Variants in VPS13C observed in about 807,000 individuals in gnomAD.
The protein encoded by VPS13C is vacuolar protein sorting 13 homolog C.
Under a neutral mutation model 456.8 loss-of-function variants are expected in VPS13C, and 358 were observed. The observed-to-expected ratio is 0.78, with a 90% CI of 0.72 to 0.86. The LOEUF is 0.86. Ranked by LOEUF, VPS13C falls within the 40% of genes least tolerant of loss-of-function variation. The pLI is 0.00. For synonymous variants in VPS13C, 1,578 were observed against 1,486.7 expected (o/e 1.06, Z -1.41); for missense variants, 4,818 against 4,385.4 (o/e 1.10, Z -2.79).
Position 61,972,055 on chromosome 15 carries a change from T to C in VPS13C, c.2757+570A>G, listed in dbSNP as rs1206289887. On this transcript the variant is annotated intron_variant, in intron 27 of 84. Transcript: ENST00000644861. ...AACCTGTAATCTCACCACCCAGAGA[T>C]GAACACTGTCTGTCATTTATCAAAG... 2.0e-5 allele frequency among the ~76,000 whole-genome samples: 3 copies of C among 152,254 alleles called. No homozygotes were observed. The East Asian group carries it at 5.8e-4, about 29-fold the overall frequency.
chr15:62,001,013 A>G (rs2046594077), intron 15 of VPS13C, among the ~76,000 whole-genome samples: 1 of 152,214 alleles, frequency 6.6e-6, no homozygotes. Context: ...ACTAACGGTG[A>G]CATTACAAAA....
rs760968536 is a variant in VPS13C, at chr15:61,962,682, A to AC, written c.3435+66dup. 322 of 1,348,356 alleles carry AC rather than the reference A, an allele frequency of 2.4e-4. 1 individual carries two copies. Among genetic ancestry groups the AC allele is most frequent in the Non-Finnish European group, 2.8e-4 (280 of 999,076 alleles). 83.5% of individuals were successfully genotyped at this position (1,348,356 alleles called of 1,614,324 possible). ...TTCATTAATGTTTTTAAAATAAAAT[A>AC]CATTTTACAATAGAAGCTCATATTC... On this transcript the variant is annotated intron_variant, in intron 33 of 84. Transcript: ENST00000644861.
At chr15:62,010,316 G>T (rs1453877517) in intron 13 of VPS13C, among the ~76,000 whole-genome samples, 156 bp downstream of exon 13, 1 of 152,044 alleles carries the variant, frequency 6.6e-6, no homozygotes, top group Non-Finnish European at 1.5e-5. Flanking sequence ...ACTTAAATTT[G>T]AAATTCATTT....
intron 15 of VPS13C, among the ~76,000 whole-genome samples, chr15:62,004,252 A>T: frequency 6.6e-6 from 1 of 150,692 alleles, no homozygotes; most frequent in Admixed American, 6.6e-5. Flanking sequence ...GTCTTGGGAG[A>T]GTGTATGTGT....
In VPS13C at chr15:61,970,080, T is replaced by C. The variant is rs191433591; in HGVS notation, c.2758-628A>G. Among the ~76,000 whole-genome samples, 13 of 152,258 alleles carry C rather than the reference T, an allele frequency of 8.5e-5. No homozygotes were observed. In the East Asian group the frequency reaches 2.3e-3, roughly 27 times the overall value. ...AACTCCTACCTGGGAACACTCATAC[T>C]GGGGGAAGCCAGCCACCATGTAAAA... On this transcript the variant is annotated intron_variant, in intron 27 of 84. Coordinates refer to ENST00000644861, the MANE Select transcript of VPS13C (RefSeq NM_020821.3).
intron 3 of VPS13C, among the ~76,000 whole-genome samples, chr15:62,037,075 G>C (rs747727103): frequency 4.8e-5 from 7 of 146,788 alleles, no homozygotes; most frequent in Non-Finnish European, 7.4e-5. Flanking sequence ...ATGGGTAACA[G>C]TGAAGGAAGC....
intron 5 of VPS13C, among the ~76,000 whole-genome samples, chr15:62,032,948 A>T (rs980171660): frequency 6.6e-6 from 1 of 151,758 alleles, no homozygotes; most frequent in Non-Finnish European, 1.5e-5. Flanking sequence ...AGGATGTTAA[A>T]ATGCTAAAAC....
chr15:61,882,622 A>C lies in VPS13C; in HGVS notation c.9598T>G (p.Leu3200Val), dbSNP rs1895944281. The C allele has an allele frequency of 1.9e-6, 3 of 1,575,994 alleles. No homozygotes were observed. The highest frequency in any genetic ancestry group is 2.6e-6 in the Non-Finnish European group (3 of 1,162,694). Residue 3200 changes from leucine (L) to valine (V), a missense_variant, in exon 69 of 85, where the codon TTA becomes GTA. Around this residue, in one of 3 missense-constraint regions of VPS13C, gnomAD observed 4,552 missense variants for 4,130.6 expected, o/e 1.10. Transcript: ENST00000644861. ...TGAAGCCAGTACAACCTGGCCCTTA[A>C]ACTTCTCTGGTGAGAAGACTGCTTA... Reference protein sequence around the residue: ...EFKQSSHQRSLRARLYWLQVD... With the variant: ...EFKQSSHQRSVRARLYWLQVD...
At chr15:61,908,940 T>C in intron 65 of VPS13C, 52 bp downstream of exon 65, 1 of 1,580,418 alleles carries the variant, frequency 6.3e-7, no homozygotes, top group Non-Finnish European at 8.6e-7. Context: ...TGTTTCCCAT[T>C]AGTTACTATG....
rs768553160 is a variant in VPS13C, at chr15:61,867,997, A to G, written c.10863+662T>C. On this transcript the variant is annotated intron_variant, in intron 81 of 84. Coordinates refer to ENST00000644861, the MANE Select transcript of VPS13C (RefSeq NM_020821.3). This position sits in a 1 kb window ranked among gnomAD's most constrained non-coding sequence, Gnocchi z 5.0. ...AATAAAGTTAGAAGCATGCAGAAAG[A>G]TAGATAAAACGTAATCATATACAAT... 7.9e-7 allele frequency: 1 copy of G among 1,266,544 alleles called. No individual in the cohort carries two copies. Among genetic ancestry groups the G allele is most frequent in the Non-Finnish European group, 1.1e-6 (1 of 871,790 alleles). The allele number at this position is 1,266,544 out of a possible 1,614,324, so 78.5% of individuals were successfully genotyped here.
chr15:62,050,601 C>T (rs1414170440), intron 1 of VPS13C, among the ~76,000 whole-genome samples: 1 of 152,062 alleles, frequency 6.6e-6, no homozygotes, highest in African/African-American at 2.4e-5. Context: ...AGTTGGAGAC[C>T]AGCCTTGCCA....
Position 61,911,906 on chromosome 15 carries a change from T to G in VPS13C, c.8649A>C (p.Glu2883Asp). ...TIANKSSLEL[E>D]VGEIASDGSM... is the part of the protein sequence containing the mutation. ...AGCCATCAGATGCAATCTCGCCAAC[T>G]TCTAGTTCTAATGATGACTTGTTTG... The change falls in exon 63 of 85, where the codon GAA becomes GAC. Residue 2883 changes from glutamate to aspartate, a missense_variant. Physicochemically the swap from Glu to Asp is conservative, Grantham distance 45 (BLOSUM62 2). Coordinates refer to ENST00000644861, the MANE Select transcript of VPS13C (RefSeq NM_020821.3). 1 of 1,612,894 alleles carries G rather than the reference T, an allele frequency of 6.2e-7. No individual in the cohort carries two copies. The highest frequency in any genetic ancestry group is 8.5e-7 in the Non-Finnish European group (1 of 1,179,384).
intron 80 of VPS13C, 52 bp downstream of exon 80, chr15:61,869,448 G>A (rs1020712175): frequency 3.1e-6 from 5 of 1,587,644 alleles, no homozygotes; most frequent in Admixed American, 1.7e-5. Context: ...TGTATTCCTT[G>A]TAATAATTAG....
At chr15:61,967,731 A>G (rs2045423457) in intron 28 of VPS13C, among the ~76,000 whole-genome samples, 1 of 152,046 alleles carries the variant, frequency 6.6e-6, no homozygotes, top group Non-Finnish European at 1.5e-5. Flanking sequence ...TCTATTAAAG[A>G]AATTTAAATA....
At chr15:61,969,276 A>G (rs776147279) in intron 28 of VPS13C, 23 bp downstream of exon 28, 1 of 1,523,038 alleles carries the variant, frequency 6.6e-7, no homozygotes. Context: ...ATAGGCTATT[A>G]TTTCTATTTT....
intron 22 of VPS13C, among the ~76,000 whole-genome samples, chr15:61,979,930 TCCCAG>T (rs2045823338): frequency 1.3e-5 from 2 of 151,970 alleles, no homozygotes; most frequent in African/African-American, 4.8e-5. Flanking sequence ...ACGTCTGTAA[TCCCAG>T]CACTTTGGGA....
intron 12 of VPS13C, among the ~76,000 whole-genome samples, chr15:62,011,687 C>G (rs150412173): frequency 3.3e-5 from 5 of 152,006 alleles, no homozygotes; most frequent in Admixed American, 6.6e-5. Context: ...AATAGAAAAG[C>G]TCACTAAAAA....
chr15:61,898,617 C>A (rs1341875402), intron 66 of VPS13C, among the ~76,000 whole-genome samples: 6 of 149,408 alleles, frequency 4.0e-5, no homozygotes, highest in African/African-American at 1.2e-4. Flanking sequence ...TCCTGAGTGA[C>A]CTACAAAGAG....
chr15:62,010,486 G>C lies in VPS13C; in HGVS notation c.997C>G (p.Leu333Val). The change falls in exon 13 of 85, where the codon CTG (leucine) becomes GTG (valine). Residue 333 changes from leucine (L) to valine (V), a missense_variant. Physicochemically the swap from Leu to Val is conservative, Grantham distance 32 (BLOSUM62 1). Coordinates refer to ENST00000644861, the MANE Select transcript of VPS13C (RefSeq NM_020821.3). Reference sequence around the variant, plus strand: ...ATGAATCATACCTGAGGTTTGGTCAGTTCAATGGCAATATTTTGTATTTCT... The same window carrying C: ...ATGAATCATACCTGAGGTTTGGTCACTTCAATGGCAATATTTTGTATTTCT... ...NIEIQNIAIE[L>V]TKPQYLSMID... 1.2e-6 allele frequency: 2 copies of C among 1,612,076 alleles called. No homozygotes were observed. The highest frequency in any genetic ancestry group is 1.7e-6 in the Non-Finnish European group (2 of 1,179,200).
Sources: gnomAD v4.1 joint callset for allele counts (sites outside exome capture counted in the v4.1 genomes callset) on GRCh38, gnomAD v4.1.1 for gene constraint, gnomAD v4.1.1 regional missense constraint, Gnocchi (gnomAD v3.1) non-coding constraint, MANE v1.5 for transcripts, NCBI Gene and HGNC (gene_info 2026-07-23, HGNC 2026-07-21) for gene names.